The following SLC24A3 variants were observed in gnomAD, a reference collection of about 807,000 sequenced individuals.
The protein encoded by SLC24A3 is sodium/potassium/calcium exchanger 3.
SLC24A3 carries 28 observed loss-of-function variants against 75.8 expected under a neutral mutation model. The observed-to-expected ratio is 0.37, with a 90% CI of 0.27 to 0.51. The LOEUF (loss-of-function observed/expected upper bound fraction) is 0.51, where lower values mean the gene tolerates loss of function less well. Among genes scored for constraint, SLC24A3 ranks in the 20% least tolerant of loss-of-function variants. The probability of loss-of-function intolerance (pLI) is 0.94; values close to 1 mark genes in which losing one functional copy is unlikely to be tolerated. For missense variants in SLC24A3, 663 were observed against 847.8 expected (o/e 0.78, Z 2.71); for synonymous variants, 372 against 334.1 (o/e 1.11, Z -1.24).
At chr20:19,372,166 G>A (rs1986004090) in intron 2 of SLC24A3, among the ~76,000 whole-genome samples, 1 of 152,134 alleles carries the variant, frequency 6.6e-6, no homozygotes, top group Admixed American at 6.5e-5. Context: ...TCAACATGGT[G>A]GATTTTCATC....
intron 1 of SLC24A3, among the ~76,000 whole-genome samples, chr20:19,264,391 C>T (rs773199895): frequency 1.0e-3 from 157 of 152,080 alleles, no homozygotes; most frequent in Non-Finnish European, 1.9e-3. Context: ...CCCAAGCATA[C>T]GCTATGTGTC....
chr20:19,400,349 A>G (rs1986528199), intron 2 of SLC24A3, among the ~76,000 whole-genome samples: 1 of 152,200 alleles, frequency 6.6e-6, no homozygotes, highest in Non-Finnish European at 1.5e-5. Flanking sequence ...GGGCAGAATC[A>G]CAGCAATGCT....
chr20:19,654,115 G>A lies in SLC24A3; in HGVS notation c.666G>A (p.Leu222=), dbSNP rs1412411797. The change falls in exon 7 of 17, where the codon CTG becomes CTA. Residue 222 remains leucine (L), a synonymous_variant. Coordinates refer to ENST00000328041, the MANE Select transcript of SLC24A3 (RefSeq NM_020689.4). ...CLLRDSIYYT[L]SVIALIVFIY... ...TGAGGGATTCTATTTACTACACGCT[G>A]TCTGTGATCGCGCTCATCGTGGTGA... is the stretch of plus-strand genomic sequence containing the variant. The A allele has an allele frequency of 6.2e-7, 1 of 1,613,760 alleles. No homozygotes were observed.
intron 2 of SLC24A3, among the ~76,000 whole-genome samples, chr20:19,408,305 T>A (rs2122416397): frequency 6.6e-6 from 1 of 152,248 alleles, no homozygotes; most frequent in East Asian, 1.9e-4. Context: ...TAAATCTACA[T>A]AATGCTTTGC....
intron 3 of SLC24A3, among the ~76,000 whole-genome samples, chr20:19,532,623 T>C (rs1437108416): frequency 6.6e-6 from 1 of 152,168 alleles, no homozygotes; most frequent in Non-Finnish European, 1.5e-5. Flanking sequence ...CTCCTGAGTG[T>C]CTGCAGAATG....
intron 1 of SLC24A3, among the ~76,000 whole-genome samples, chr20:19,279,751 C>T (rs1017401526): frequency 1.3e-4 from 20 of 152,120 alleles, no homozygotes; most frequent in African/African-American, 3.9e-4. Context: ...CTTTTCTGCC[C>T]GAGGTTCCTC....
At chr20:19,673,705 T>C in intron 9 of SLC24A3, 51 bp downstream of exon 9, 1 of 1,490,822 alleles carries the variant, frequency 6.7e-7, no homozygotes, top group East Asian at 2.3e-5. Context: ...GCATTCCACA[T>C]TATGTGATGA....
intron 2 of SLC24A3, among the ~76,000 whole-genome samples, chr20:19,396,025 A>T (rs1216645095): frequency 6.6e-6 from 1 of 152,180 alleles, no homozygotes; most frequent in Non-Finnish European, 1.5e-5. Flanking sequence ...GCAACATGAC[A>T]CAACAATGAT....
At chr20:19,373,948 C>T (rs1425373730) in intron 2 of SLC24A3, among the ~76,000 whole-genome samples, 3 of 152,122 alleles carry the variant, frequency 2.0e-5, no homozygotes, top group Admixed American at 2.0e-4. Context: ...TTCAGGTTTT[C>T]CTTGAATGGG....
rs79746188 is a variant in SLC24A3 at position 19,649,243 on chromosome 20, G to A, written c.613-4819G>A. ...TTCAGGGCTGAGTCACATGGTTTCCGGTCTTCATCTAGAGATAAGTGATCC... is the reference window on the plus strand; with the variant it reads ...TTCAGGGCTGAGTCACATGGTTTCCAGTCTTCATCTAGAGATAAGTGATCC... On this transcript the variant is annotated intron_variant, in intron 6 of 16. Transcript: ENST00000328041. Among the ~76,000 whole-genome samples the A allele has an allele frequency of 1.8e-3, 276 of 152,290 alleles. 1 individual carries two copies. Among genetic ancestry groups the A allele is most frequent in the South Asian group, 3.3e-3 (16 of 4,832 alleles).
intron 3 of SLC24A3, among the ~76,000 whole-genome samples, chr20:19,563,348 A>G (rs1201427139): frequency 5.3e-5 from 8 of 152,216 alleles, no homozygotes; most frequent in Non-Finnish European, 4.4e-5. Context: ...TACACCCACA[A>G]GAAGTTGCCT....
At chr20:19,564,962 C>T (rs2030932158) in intron 3 of SLC24A3, among the ~76,000 whole-genome samples, 1 of 152,212 alleles carries the variant, frequency 6.6e-6, no homozygotes, top group South Asian at 2.1e-4. Context: ...GCATGCGCCA[C>T]CCTGCTGGCT....
intron 2 of SLC24A3, among the ~76,000 whole-genome samples, chr20:19,370,815 T>A (rs931307382): frequency 6.6e-6 from 1 of 152,138 alleles, no homozygotes; most frequent in Non-Finnish European, 1.5e-5. Flanking sequence ...ATGGGAGTTC[T>A]CACAGTATTG....
intron 1 of SLC24A3, among the ~76,000 whole-genome samples, chr20:19,223,490 C>T (rs534781401): frequency 1.3e-5 from 2 of 152,180 alleles, no homozygotes; most frequent in Non-Finnish European, 2.9e-5. Flanking sequence ...GTTTCAAGAC[C>T]TCCCAGTGAA....
At chr20:19,488,882 G>A (rs1227251762) in intron 2 of SLC24A3, among the ~76,000 whole-genome samples, 1 of 152,140 alleles carries the variant, frequency 6.6e-6, no homozygotes, top group Non-Finnish European at 1.5e-5. Flanking sequence ...GCAAGCAAAA[G>A]TGTCACTGTC....
At chr20:19,625,424 G>T (rs2031854983) in intron 6 of SLC24A3, among the ~76,000 whole-genome samples, 1 of 152,118 alleles carries the variant, frequency 6.6e-6, no homozygotes, top group African/African-American at 2.4e-5. Flanking sequence ...CTATACAGTG[G>T]GACATCTTTG....
At chr20:19,340,262 G>A (rs541620045) in intron 2 of SLC24A3, among the ~76,000 whole-genome samples, 4 of 152,304 alleles carry the variant, frequency 2.6e-5, no homozygotes, top group South Asian at 2.1e-4. Flanking sequence ...CACACAGGGA[G>A]CACTCCATGT....
intron 3 of SLC24A3, among the ~76,000 whole-genome samples, chr20:19,555,166 A>C (rs779575994): frequency 2.0e-5 from 3 of 152,192 alleles, no homozygotes; most frequent in Non-Finnish European, 4.4e-5. Context: ...GCCAAAACTC[A>C]TGCTTAGTGT....
intron 6 of SLC24A3, among the ~76,000 whole-genome samples, chr20:19,639,814 A>T (rs1050000880): frequency 6.6e-6 from 1 of 152,234 alleles, no homozygotes; most frequent in Non-Finnish European, 1.5e-5. Context: ...AATAGACAGC[A>T]GCGCCGGTGG....
Sources: allele counts gnomAD v4.1 joint callset (sites outside exome capture counted in the v4.1 genomes callset), GRCh38; gene constraint gnomAD v4.1.1; transcripts MANE v1.5; gene names NCBI Gene and HGNC (gene_info 2026-07-23, HGNC 2026-07-21).